Variants in FOXN3 observed in about 807,000 individuals in gnomAD.
FOXN3 encodes forkhead box N3.
In FOXN3, 7 loss-of-function variants were observed where a neutral mutation model predicts 38.4. The ratio of observed to expected loss-of-function variants is 0.18; its 90% CI spans 0.10 to 0.34. FOXN3 has a LOEUF of 0.34. FOXN3 is among the 10% of genes least tolerant of loss of function. The pLI is 1.00. For missense variants in FOXN3, 456 were observed against 613.4 expected (o/e 0.74, Z 2.71); for synonymous variants, 230 against 242.2 (o/e 0.95, Z 0.47).
At chr14:89,181,015 C>T (rs967597094) in intron 4 of FOXN3, among the ~76,000 whole-genome samples, 9 of 151,038 alleles carry the variant, frequency 6.0e-5, no homozygotes, top group African/African-American at 1.2e-4. Context: ...GTCATGCACG[C>T]GCACACACAC....
At chr14:89,578,613 T>C (rs1566706877) in intron 1 of FOXN3, among the ~76,000 whole-genome samples, 1 of 152,182 alleles carries the variant, frequency 6.6e-6, no homozygotes, top group Non-Finnish European at 1.5e-5. Flanking sequence ...CAAGAAATGA[T>C]ACCACCTTCC....
intron 2 of FOXN3, among the ~76,000 whole-genome samples, chr14:89,396,983 G>A (rs1891116746): frequency 6.6e-6 from 1 of 151,612 alleles, no homozygotes; most frequent in African/African-American, 2.4e-5. Flanking sequence ...TAAATTTCTG[G>A]GCAGCAAGAA....
At chr14:89,194,874 C>T (rs1288453080) in intron 4 of FOXN3, among the ~76,000 whole-genome samples, 2 of 152,176 alleles carry the variant, frequency 1.3e-5, no homozygotes, top group African/African-American at 4.8e-5. Context: ...GACACACACA[C>T]ATATATATAC....
intron 1 of FOXN3, among the ~76,000 whole-genome samples, chr14:89,491,402 A>C (rs1893572874): frequency 6.6e-6 from 1 of 152,380 alleles, no homozygotes; most frequent in East Asian, 1.9e-4. Flanking sequence ...CAGAGGAAGC[A>C]GAATTTAAGC....
At chr14:89,415,681 T>G (rs1328340154) in intron 1 of FOXN3, among the ~76,000 whole-genome samples, 1 of 142,558 alleles carries the variant, frequency 7.0e-6, no homozygotes, top group Non-Finnish European at 1.5e-5. Context: ...ATACTCTAAC[T>G]ACAGATTTCG....
upstream of FOXN3, among the ~76,000 whole-genome samples, chr14:89,418,014 C>T (rs1887102): frequency 6.6e-6 from 1 of 152,072 alleles, no homozygotes; most frequent in Non-Finnish European, 1.5e-5. Context: ...AGCCACCCAG[C>T]GAAATGGTGC....
chr14:89,297,827 T>A (rs1279240702), intron 3 of FOXN3, among the ~76,000 whole-genome samples: 1 of 151,924 alleles, frequency 6.6e-6, no homozygotes, highest in Non-Finnish European at 1.5e-5. Flanking sequence ...AAAAAAAATT[T>A]TTTTTTAAGT....
At position 89,368,963 on chromosome 14, in the gene FOXN3, C is replaced by T. The variant is rs141542700; in HGVS notation, c.544-18155G>A. 3.3e-5 allele frequency among the ~76,000 whole-genome samples: 5 copies of T among 152,308 alleles called. No individual in the cohort carries two copies. The East Asian group carries it at 9.6e-4, about 29-fold the overall frequency. ...GGGAAAAGATCCCTGGCTGAACAAA[C>T]ACTTTACACAGTGCGTTTCATCTGA... On this transcript the variant is annotated intron_variant, in intron 2 of 5. Transcript: ENST00000557258.
chr14:89,498,442 C>G (rs904328135), intron 1 of FOXN3, among the ~76,000 whole-genome samples: 1 of 151,802 alleles, frequency 6.6e-6, no homozygotes, highest in South Asian at 2.1e-4. Context: ...AGGATGGTCT[C>G]GATCCCCTAA....
rs1887100759 is a variant in FOXN3 at position 89,161,566 on chromosome 14, TG to T, written c.*847del. The T allele has an allele frequency of 7.7e-6, 1 of 129,124 alleles. No homozygotes were observed. Among genetic ancestry groups the T allele is most frequent in the African/African-American group, 3.5e-5 (1 of 28,532 alleles). 8.0% of individuals were successfully genotyped at this position (129,124 alleles called of 1,614,324 possible). A position where few individuals can be genotyped will look rare whatever the true frequency, so the allele number is the denominator to read the frequency against. Reference sequence around the variant, plus strand: ...TCTCTCTCTCTCCTTCGTGTGTGTGTGTGTGTGTGTGTGTGTGTGTGTGTGT... The same window carrying T: ...TCTCTCTCTCTCCTTCGTGTGTGTGTTGTGTGTGTGTGTGTGTGTGTGTGT... On this transcript the variant is annotated 3_prime_UTR_variant, in exon 6 of 6. Transcript: ENST00000557258.
chr14:89,192,799 A>G (rs963066113), intron 4 of FOXN3, among the ~76,000 whole-genome samples: 7 of 147,170 alleles, frequency 4.8e-5, no homozygotes, highest in African/African-American at 1.7e-4. Flanking sequence ...TTTAATATAT[A>G]TAAATATATA....
intron 3 of FOXN3, among the ~76,000 whole-genome samples, chr14:89,287,036 C>A (rs1012232252): frequency 6.6e-6 from 1 of 152,144 alleles, no homozygotes; most frequent in African/African-American, 2.4e-5. Flanking sequence ...AGTCTTTTAA[C>A]TTGTCAAAGT....
At chr14:89,600,012 C>T (rs1458724311) in intron 1 of FOXN3, among the ~76,000 whole-genome samples, 1 of 152,244 alleles carries the variant, frequency 6.6e-6, no homozygotes, top group Non-Finnish European at 1.5e-5. Context: ...CCACTTCTTA[C>T]TCACCCCACC....
chr14:89,222,550 G>T (rs1286641508), intron 4 of FOXN3, among the ~76,000 whole-genome samples: 1 of 152,064 alleles, frequency 6.6e-6, no homozygotes, highest in East Asian at 1.9e-4. Flanking sequence ...TTTATTTTGT[G>T]GCCTCATTTA....
chr14:89,412,583 G>A lies in FOXN3; in HGVS notation c.-14-93C>T, dbSNP rs992476945. The A allele has an allele frequency of 5.7e-5, 57 of 1,006,774 alleles. No homozygotes were observed. The highest frequency in any genetic ancestry group is 1.5e-4 in the African/African-American group (9 of 61,682). 62.4% of individuals were successfully genotyped at this position (1,006,774 alleles called of 1,614,324 possible). A position where few individuals can be genotyped will look rare whatever the true frequency, so the allele number is the denominator to read the frequency against. On this transcript the variant is annotated intron_variant, in intron 1 of 5. Coordinates refer to ENST00000557258, the MANE Select transcript of FOXN3 (RefSeq NM_005197.4). This position sits in a 1 kb window ranked among gnomAD's most constrained non-coding sequence, Gnocchi z 4.7. ...TCTGATCCTGTTGCCTCCCTCTGCC[G>A]CCTCTATGGAACCCCTGCTACACAG... is the stretch of plus-strand genomic sequence containing the variant.
At chr14:89,496,874 G>A (rs775500334) in intron 1 of FOXN3, among the ~76,000 whole-genome samples, 58 of 152,264 alleles carry the variant, frequency 3.8e-4, no homozygotes, top group Non-Finnish European at 4.3e-4. Context: ...TGGAACCACG[G>A]AATATTTGCC....
chr14:89,574,871 CA>C, intron 1 of FOXN3, among the ~76,000 whole-genome samples: 1 of 149,070 alleles, frequency 6.7e-6, no homozygotes, highest in East Asian at 1.9e-4. Context: ...ATTGCCTTTA[CA>C]GCTTTAAAAA....
Position 89,582,979 on chromosome 14 carries a change from C to T in FOXN3, c.-15+36049G>A, listed in dbSNP as rs74082511. 7.2e-3 allele frequency among the ~76,000 whole-genome samples: 1,096 copies of T among 152,112 alleles called. 16 individuals are homozygous for T. Among genetic ancestry groups the T allele is most frequent in the African/African-American group, 0.025 (1,057 of 41,492 alleles). On this transcript the variant is annotated intron_variant, in intron 1 of 6. Coordinates refer to the FOXN3 transcript ENST00000345097. ...TTTATTTTTATTGCTGAATAGTGTT[C>T]CATTGTATAGATATACCACCATTTG...
chr14:89,192,990 C>T (rs1035936540), intron 4 of FOXN3, among the ~76,000 whole-genome samples: 1 of 152,054 alleles, frequency 6.6e-6, no homozygotes, highest in African/African-American at 2.4e-5. Flanking sequence ...TCACAAGGGA[C>T]AAGCAGTTCC....
Sources: allele counts gnomAD v4.1 joint callset (sites outside exome capture counted in the v4.1 genomes callset), GRCh38; gene constraint gnomAD v4.1.1; non-coding constraint Gnocchi (gnomAD v3.1); transcripts MANE v1.5; gene names NCBI Gene and HGNC (gene_info 2026-07-23, HGNC 2026-07-21).